FNIP1: variants seen among roughly 807,000 people sequenced by gnomAD.
FNIP1 encodes folliculin interacting protein 1.
In FNIP1, 40 loss-of-function variants were observed where a neutral mutation model predicts 124.5. The observed-to-expected ratio is 0.32, with a 90% CI of 0.25 to 0.42. FNIP1 has a LOEUF of 0.42. Ranked by LOEUF, FNIP1 falls within the 10% of genes least tolerant of loss-of-function variation. FNIP1 has a pLI of 1.00. For missense variants in FNIP1, 1,176 were observed against 1,403.7 expected (o/e 0.84, Z 2.59); for synonymous variants, 472 against 470.6 (o/e 1.00, Z -0.04).
chr5:131,771,857 T>C, intron 1 of FNIP1, among the ~76,000 whole-genome samples: 1 of 152,164 alleles, frequency 6.6e-6, no homozygotes, highest in East Asian at 1.9e-4. Flanking sequence ...AAGCACAGCC[T>C]CTTATGTTCC....
At chr5:131,738,764 T>C (rs1169671278) in intron 2 of FNIP1, among the ~76,000 whole-genome samples, 1 of 151,834 alleles carries the variant, frequency 6.6e-6, no homozygotes, top group African/African-American at 2.4e-5. Context: ...CCTCAGCCTT[T>C]CAGCCTCCCA....
intron 3 of FNIP1, among the ~76,000 whole-genome samples, chr5:131,721,936 A>G (rs1769680128): frequency 6.6e-6 from 1 of 152,222 alleles, no homozygotes; most frequent in African/African-American, 2.4e-5. Context: ...ATCATGGCAA[A>G]TATCACTTTT....
intron 11 of FNIP1, among the ~76,000 whole-genome samples, chr5:131,694,745 T>G (rs570562151): frequency 1.5e-4 from 23 of 152,306 alleles, no homozygotes; most frequent in South Asian, 1.2e-3. Context: ...TTTTGGTCTT[T>G]GGTTAGTAAT....
chr5:131,664,599 C>T (rs904496359), intron 15 of FNIP1, among the ~76,000 whole-genome samples: 4 of 139,028 alleles, frequency 2.9e-5, no homozygotes, highest in Non-Finnish European at 6.0e-5. Flanking sequence ...CGTGCCACTG[C>T]ACTCTAACCT....
At chr5:131,668,923 T>G (rs1397767158) in intron 15 of FNIP1, among the ~76,000 whole-genome samples, 1 of 152,208 alleles carries the variant, frequency 6.6e-6, no homozygotes, top group African/African-American at 2.4e-5. Flanking sequence ...TATATACAAT[T>G]TAAGTGAAAC....
chr5:131,793,568 T>A (rs554749395), intron 1 of FNIP1, among the ~76,000 whole-genome samples: 1 of 152,110 alleles, frequency 6.6e-6, no homozygotes, highest in African/African-American at 2.4e-5. Context: ...GATAAGCACA[T>A]AGAAATCGAT....
At chr5:131,654,762 G>A (rs1022063558) in intron 15 of FNIP1, among the ~76,000 whole-genome samples, 16 of 152,166 alleles carry the variant, frequency 1.1e-4, no homozygotes, top group African/African-American at 1.7e-4. Context: ...TGGATAATTC[G>A]GTAAGAGTAA....
chr5:131,770,079 TC>T (rs768342717), intron 1 of FNIP1, among the ~76,000 whole-genome samples: 36 of 152,186 alleles, frequency 2.4e-4, no homozygotes, highest in Non-Finnish European at 4.4e-4. Context: ...ACACAATAGT[TC>T]CTTTCTCAAC....
intron 1 of FNIP1, among the ~76,000 whole-genome samples, chr5:131,776,409 T>C (rs1360906003): frequency 6.6e-6 from 1 of 152,246 alleles, no homozygotes; most frequent in Non-Finnish European, 1.5e-5. Context: ...ATTCAGCATC[T>C]GTCCACCGAA....
At chr5:131,651,564 T>C (rs1767040669) in intron 16 of FNIP1, among the ~76,000 whole-genome samples, 2 of 152,174 alleles carry the variant, frequency 1.3e-5, no homozygotes, top group Admixed American at 1.3e-4. Flanking sequence ...TTTCTCTTCC[T>C]CATCTTCTTA....
intron 1 of FNIP1, among the ~76,000 whole-genome samples, chr5:131,752,797 G>C (rs1010574236): frequency 4.6e-5 from 7 of 152,218 alleles, no homozygotes; most frequent in South Asian, 2.1e-4. Context: ...GCCGGGCGCG[G>C]TGGCTCACGC....
intron 15 of FNIP1, among the ~76,000 whole-genome samples, chr5:131,662,692 T>A (rs1561642427): frequency 6.6e-6 from 1 of 152,036 alleles, no homozygotes; most frequent in Admixed American, 6.6e-5. Context: ...TTTCTTATCT[T>A]GAATTTTCTT....
chr5:131,778,392 A>G (rs1771882090), intron 1 of FNIP1, among the ~76,000 whole-genome samples: 1 of 152,020 alleles, frequency 6.6e-6, no homozygotes, highest in African/African-American at 2.4e-5. Flanking sequence ...AACACATGAA[A>G]AAATGCTCAT....
chr5:131,660,451 C>G (rs57623245), intron 15 of FNIP1, among the ~76,000 whole-genome samples: 4,036 of 152,196 alleles, frequency 0.027, 189 homozygotes, highest in African/African-American at 0.092. Context: ...GACTGACAAC[C>G]CACTCCTGTA....
At chr5:131,670,964 T>C (rs1475677275) in intron 14 of FNIP1, among the ~76,000 whole-genome samples, 4 of 152,174 alleles carry the variant, frequency 2.6e-5, no homozygotes, top group East Asian at 1.9e-4. Context: ...TTTAAGAGAA[T>C]TGTACCTTGT....
At chr5:131,720,669 T>C (rs2149543314) in intron 3 of FNIP1, among the ~76,000 whole-genome samples, 1 of 152,246 alleles carries the variant, frequency 6.6e-6, no homozygotes, top group South Asian at 2.1e-4. Flanking sequence ...AACTCTATAG[T>C]AAAAACTAAT....
chr5:131,779,422 G>T (rs1161347569), intron 1 of FNIP1, among the ~76,000 whole-genome samples: 1 of 152,036 alleles, frequency 6.6e-6, no homozygotes, highest in Non-Finnish European at 1.5e-5. Context: ...GCTTACGCCT[G>T]TAATCCCAGC....
intron 2 of FNIP1, among the ~76,000 whole-genome samples, chr5:131,735,495 G>A (rs1032028814): frequency 5.9e-5 from 8 of 135,706 alleles, no homozygotes; most frequent in Non-Finnish European, 6.3e-5. Flanking sequence ...GTATATATAC[G>A]TATAAAATAT....
At chr5:131,727,486 A>C (rs950953976) in intron 3 of FNIP1, among the ~76,000 whole-genome samples, 1 of 152,086 alleles carries the variant, frequency 6.6e-6, no homozygotes, top group Non-Finnish European at 1.5e-5. Context: ...TTTATCAAAG[A>C]CTAGGATTGC....
Sources: allele counts gnomAD v4.1 joint callset (sites outside exome capture counted in the v4.1 genomes callset), GRCh38; gene constraint gnomAD v4.1.1; transcripts MANE v1.5; gene names NCBI Gene and HGNC (gene_info 2026-07-23, HGNC 2026-07-21).